Variants in KLHL32 observed in about 807,000 individuals in gnomAD.
KLHL32 encodes kelch-like protein 32.
KLHL32 carries 35 observed loss-of-function variants against 64.8 expected under a neutral mutation model. The observed-to-expected ratio is 0.54, with a 90% CI of 0.41 to 0.72. The LOEUF (loss-of-function observed/expected upper bound fraction) is 0.72. Among genes scored for constraint, KLHL32 ranks in the 30% least tolerant of loss-of-function variants. KLHL32 has a pLI of 0.00. For synonymous variants in KLHL32, 259 were observed against 281.0 expected, an observed-to-expected ratio of 0.92 and a Z score of 0.78; for missense variants, 589 against 768.5, an observed-to-expected ratio of 0.77 and a Z score of 2.76.
intron 7 of KLHL32, among the ~76,000 whole-genome samples, chr6:97,121,030 A>G (rs1242836102): frequency 1.3e-5 from 2 of 152,238 alleles, no homozygotes; most frequent in South Asian, 4.1e-4. Context: ...AAAGAAAGCA[A>G]TCAGATCACC....
intron 7 of KLHL32, among the ~76,000 whole-genome samples, chr6:97,119,771 G>C (rs926058189): frequency 3.9e-5 from 6 of 152,130 alleles, no homozygotes; most frequent in Non-Finnish European, 5.9e-5. Flanking sequence ...GAGAGAATGT[G>C]TTGTTTTTAG....
chr6:97,082,672 T>C (rs540008001), intron 5 of KLHL32, among the ~76,000 whole-genome samples: 2 of 151,910 alleles, frequency 1.3e-5, no homozygotes, highest in East Asian at 1.9e-4. Context: ...ACTTTGGACA[T>C]GATGAGTTTA....
In KLHL32 at chr6:97,094,952, C is replaced by T. The variant is rs114715651; in HGVS notation, c.627+9611C>T. On this transcript the variant is annotated intron_variant, in intron 6 of 10. Coordinates refer to ENST00000369261, the MANE Select transcript of KLHL32 (RefSeq NM_052904.4). Reference sequence around the variant, plus strand: ...GATGGATGGTGCGTTAAAGTTTAAACGTTTTAGGAGGACCTATCTTATTAA... The same window carrying T: ...GATGGATGGTGCGTTAAAGTTTAAATGTTTTAGGAGGACCTATCTTATTAA... Among the ~76,000 whole-genome samples the T allele has an allele frequency of 5.1e-3, 771 of 152,236 alleles. 9 individuals are homozygous for T. The highest frequency in any genetic ancestry group is 0.017 in the African/African-American group (726 of 41,550).
intron 10 of KLHL32, among the ~76,000 whole-genome samples, chr6:97,137,766 G>C (rs1226787495): frequency 1.3e-5 from 2 of 152,064 alleles, no homozygotes; most frequent in Admixed American, 1.3e-4. Context: ...GATCTCCTGG[G>C]CTCGTGATCC....
chr6:96,997,497 C>T (rs778802756), intron 3 of KLHL32, among the ~76,000 whole-genome samples: 1 of 152,078 alleles, frequency 6.6e-6, no homozygotes, highest in African/African-American at 2.4e-5. Flanking sequence ...AATGTAATCC[C>T]AGCCCTTTGG....
the KLHL32 span, among the ~76,000 whole-genome samples, chr6:96,905,687 C>A: frequency 5.3e-5 from 8 of 152,290 alleles, no homozygotes; most frequent in South Asian, 1.7e-3. Context: ...CATTCAAAAA[C>A]TATTAGCTAT....
At chr6:97,137,897 A>G (rs1017427986) in intron 10 of KLHL32, among the ~76,000 whole-genome samples, 1 of 152,202 alleles carries the variant, frequency 6.6e-6, no homozygotes, top group Non-Finnish European at 1.5e-5. Flanking sequence ...AGTGGACTAG[A>G]TCATTAAAGA....
chr6:96,983,399 C>T (rs36129084), intron 3 of KLHL32, among the ~76,000 whole-genome samples: 51,957 of 133,082 alleles, frequency 0.39, 8,673 homozygotes, highest in African/African-American at 0.53. Flanking sequence ...CCTCATAAAA[C>T]GAGTTAGGGA....
intron 4 of KLHL32, among the ~76,000 whole-genome samples, chr6:97,060,099 C>T (rs1179713099): frequency 6.6e-6 from 1 of 152,130 alleles, no homozygotes; most frequent in African/African-American, 2.4e-5. Flanking sequence ...TGCTCAAATC[C>T]TTCAGTCCAC....
At position 97,132,890 on chromosome 6, in the gene KLHL32, A is replaced by T. The variant is rs1799597479; in HGVS notation, c.1701+143A>T. ...TTTTGTGCAACTAGTTCAGCCACTA[A>T]ACTTCATCCTGTATCCTAAAAATGA... On this transcript the variant is annotated intron_variant, in intron 10 of 10. Transcript: ENST00000369261. The T allele has an allele frequency of 1.2e-5, 7 of 574,326 alleles. No individual in the cohort carries two copies. In the East Asian group the frequency reaches 2.2e-4, roughly 18 times the overall value. The allele number at this position is 574,326 out of a possible 1,614,324, so 35.6% of individuals were successfully genotyped here.
chr6:96,923,325 T>C (rs1054636201), upstream of KLHL32, among the ~76,000 whole-genome samples: 1 of 152,216 alleles, frequency 6.6e-6, no homozygotes, highest in Non-Finnish European at 1.5e-5. Flanking sequence ...TCAAAGACGC[T>C]TTCATATTCG....
At chr6:96,994,666 G>T in intron 3 of KLHL32, 4 of 971,222 alleles carry the variant, frequency 4.1e-6, no homozygotes, top group Non-Finnish European at 4.9e-6. Flanking sequence ...GATTAGTTGC[G>T]TGCAAAGTAC....
intron 10 of KLHL32, among the ~76,000 whole-genome samples, chr6:97,135,930 G>A (rs1219784301): frequency 6.6e-6 from 1 of 152,176 alleles, no homozygotes; most frequent in Non-Finnish European, 1.5e-5. Context: ...GATGATGGGA[G>A]ACTGGAATAA....
intron 3 of KLHL32, among the ~76,000 whole-genome samples, chr6:96,997,846 C>A (rs2128073117): frequency 6.6e-6 from 1 of 152,154 alleles, no homozygotes. Context: ...ACGTACAAAC[C>A]AACCAACCAA....
In KLHL32 at chr6:96,953,268, C is replaced by T. The variant is rs1772850850; in HGVS notation, c.-65-13728C>T. 2.0e-5 allele frequency among the ~76,000 whole-genome samples: 3 copies of T among 152,270 alleles called. No homozygotes were observed. The South Asian group carries it at 6.2e-4, about 32-fold the overall frequency. ...TATTTACGTCCATATTTCTCAGTAACATGCTTATGTTGCCAGTCTTGGTTT... is the reference window on the plus strand; with the variant it reads ...TATTTACGTCCATATTTCTCAGTAATATGCTTATGTTGCCAGTCTTGGTTT... On this transcript the variant is annotated intron_variant, in intron 1 of 10. Coordinates refer to ENST00000369261, the MANE Select transcript of KLHL32 (RefSeq NM_052904.4).
intron 2 of KLHL32, among the ~76,000 whole-genome samples, chr6:96,971,204 A>T (rs914557151): frequency 3.3e-5 from 5 of 152,238 alleles, no homozygotes; most frequent in African/African-American, 1.2e-4. Flanking sequence ...ACACTGACAT[A>T]GAAATTGACT....
At chr6:96,956,541 C>A (rs34663994) in intron 1 of KLHL32, among the ~76,000 whole-genome samples, 33,738 of 152,038 alleles carry the variant, frequency 0.22, 3,929 homozygotes, top group Admixed American at 0.27. Flanking sequence ...TTTCTCCTTT[C>A]TCTCCATCCT....
intron 1 of KLHL32, among the ~76,000 whole-genome samples, chr6:96,963,620 T>C (rs958533801): frequency 2.6e-5 from 4 of 152,188 alleles, no homozygotes; most frequent in Non-Finnish European, 5.9e-5. Context: ...ATAGTAGTTA[T>C]GCAATAGAGG....
At position 96,971,914 on chromosome 6, in the gene KLHL32, G is replaced by A. The variant is rs1207480780; in HGVS notation, c.24-4083G>A. On this transcript the variant is annotated intron_variant, in intron 2 of 10. Transcript: ENST00000369261. The stretch of plus-strand genomic sequence containing the variant: ...GTTGCCCAGGCTGGAGTGCAGTGGC[G>A]TGATCTCGGCTCACTGCAACCTCTG... Among the ~76,000 whole-genome samples, 7 of 152,246 alleles carry A rather than the reference G, an allele frequency of 4.6e-5. No homozygotes were observed. The East Asian group carries it at 5.8e-4, about 13-fold the overall frequency.
Sources: gnomAD v4.1 joint callset for allele counts (sites outside exome capture counted in the v4.1 genomes callset) on GRCh38, gnomAD v4.1.1 for gene constraint, MANE v1.5 for transcripts, NCBI Gene and HGNC (gene_info 2026-07-23, HGNC 2026-07-21) for gene names.